ECHDC3: variants seen among roughly 807,000 people sequenced by gnomAD.
ECHDC3 encodes enoyl-CoA hydratase domain-containing protein 3, mitochondrial.
A neutral mutation model predicts 17.9 loss-of-function variants in ECHDC3; 20 were observed. The ratio of observed to expected loss-of-function variants is 1.12; its 90% CI spans 0.79 to 1.63. ECHDC3 has a LOEUF of 1.63. Ranked by LOEUF, ECHDC3 falls within the 40% of genes most tolerant of loss-of-function variation. The pLI, the probability that ECHDC3 is intolerant of heterozygous loss-of-function variation, is 0.00. For synonymous variants in ECHDC3, 177 were observed against 149.7 expected (o/e 1.18, Z -1.33); for missense variants, 407 against 357.7 (o/e 1.14, Z -1.11).
Position 11,763,510 on chromosome 10 carries a change from A to C in ECHDC3, c.878A>C (p.Lys293Thr). ...GQEGITAFLQ[K>T]RKPVWSHEPV ...GAGGGCATCACGGCCTTCCTCCAGA[A>C]GAGAAAACCTGTCTGGTCACACGAG... The change falls in exon 5 of 5, where the codon AAG becomes ACG. Residue 293 changes from lysine (K) to threonine (T), a missense_variant. By Grantham distance (78) the Lys-to-Thr change is moderately conservative (BLOSUM62 -1). Coordinates refer to ENST00000379215, the MANE Select transcript of ECHDC3 (RefSeq NM_024693.5). This position sits in a 1 kb window ranked among gnomAD's most constrained non-coding sequence, Gnocchi z 4.9. 32 of 1,403,634 alleles carry C rather than the reference A, an allele frequency of 2.3e-5. No individual in the cohort carries two copies. The highest frequency in any genetic ancestry group is 2.7e-5 in the Non-Finnish European group (27 of 1,008,670). The allele number at this position is 1,403,634 out of a possible 1,614,324, so 86.9% of individuals were successfully genotyped here.
chr10:11,759,924 G>A (rs548398305), intron 4 of ECHDC3, among the ~76,000 whole-genome samples: 1 of 152,198 alleles, frequency 6.6e-6, no homozygotes, highest in African/African-American at 2.4e-5. Context: ...TTGTTTTCCA[G>A]ATGAAACAAA....
intron 4 of ECHDC3, among the ~76,000 whole-genome samples, chr10:11,756,656 A>T (rs1010295715): frequency 6.6e-6 from 1 of 152,208 alleles, no homozygotes; most frequent in Non-Finnish European, 1.5e-5. Flanking sequence ...TGGGCTTCAC[A>T]CTACAGTAGG....
chr10:11,747,863 C>T (rs1171912693), intron 2 of ECHDC3, among the ~76,000 whole-genome samples: 5 of 152,224 alleles, frequency 3.3e-5, no homozygotes, highest in Admixed American at 6.5e-5. Flanking sequence ...GAACTGATAT[C>T]TGCAGTGCCT....
intron 4 of ECHDC3, among the ~76,000 whole-genome samples, chr10:11,761,935 G>A (rs907344387): frequency 9.9e-5 from 15 of 151,990 alleles, no homozygotes; most frequent in Non-Finnish European, 1.0e-4. Context: ...GAAATCAACA[G>A]AAGACTAAAA....
intron 4 of ECHDC3, among the ~76,000 whole-genome samples, chr10:11,760,933 C>G (rs964009640): frequency 1.3e-5 from 2 of 152,236 alleles, no homozygotes; most frequent in African/African-American, 4.8e-5. Flanking sequence ...ATGGTCTGCC[C>G]TGGAACCCCC....
rs1402405449 is a variant in ECHDC3 at position 11,743,007 on chromosome 10, C to T, written c.170+261C>T. The T allele has an allele frequency of 1.3e-4, 45 of 335,340 alleles. No homozygotes were observed. The East Asian group carries it at 2.1e-3, about 15-fold the overall frequency. The allele number at this position is 335,340 out of a possible 1,614,324, so 20.8% of individuals were successfully genotyped here. On this transcript the variant is annotated intron_variant, in intron 1 of 4. Transcript: ENST00000379215. ...CCAGTCGCTGGGCCTGCGGAGAGGC[C>T]TGGAGAGGAGGGCTCTGGGCCCCAG... is the stretch of plus-strand genomic sequence containing the variant.
intron 4 of ECHDC3, among the ~76,000 whole-genome samples, chr10:11,761,107 G>A (rs1262451043): frequency 1.9e-4 from 29 of 152,248 alleles, no homozygotes; most frequent in South Asian, 1.2e-3. Flanking sequence ...CTCCACCCAT[G>A]GTGGCAGGAG....
chr10:11,757,514 C>CA (rs536124796), intron 4 of ECHDC3, among the ~76,000 whole-genome samples: 2 of 152,080 alleles, frequency 1.3e-5, no homozygotes, highest in South Asian at 2.1e-4. Flanking sequence ...GAAAATGGGG[C>CA]AAAAAATCTC....
intron 4 of ECHDC3, among the ~76,000 whole-genome samples, chr10:11,762,365 G>A (rs1259442755): frequency 1.3e-5 from 2 of 152,190 alleles, no homozygotes; most frequent in South Asian, 2.1e-4. Context: ...CTGAGGTGAC[G>A]GTGCATGGGC....
At chr10:11,755,196 C>T (rs565943766) in intron 3 of ECHDC3, 39 of 465,544 alleles carry the variant, frequency 8.4e-5, no homozygotes, top group Non-Finnish European at 1.3e-4. Flanking sequence ...CGTGGTAGCC[C>T]ATGCCTGTAG....
chr10:11,756,276 T>C (rs542013318), intron 4 of ECHDC3, among the ~76,000 whole-genome samples: 1 of 152,342 alleles, frequency 6.6e-6, no homozygotes, highest in East Asian at 1.9e-4. Flanking sequence ...TAAAATAATA[T>C]TTCCTAAACT....
At chr10:11,757,793 A>G (rs1832900294) in intron 4 of ECHDC3, among the ~76,000 whole-genome samples, 1 of 152,188 alleles carries the variant, frequency 6.6e-6, no homozygotes, top group Non-Finnish European at 1.5e-5. Flanking sequence ...AGGCTTTTGG[A>G]ACTTAATGCC....
chr10:11,743,244 C>T (rs1832716946), intron 1 of ECHDC3, among the ~76,000 whole-genome samples: 1 of 152,234 alleles, frequency 6.6e-6, no homozygotes, highest in Non-Finnish European at 1.5e-5. Context: ...GCCCTACCCC[C>T]TCCAGGCCTG....
intron 3 of ECHDC3, among the ~76,000 whole-genome samples, chr10:11,754,418 A>G (rs1017492627): frequency 6.6e-6 from 1 of 152,166 alleles, no homozygotes. Context: ...AAAGTTCTGG[A>G]AATGTATTGG....
intron 4 of ECHDC3, among the ~76,000 whole-genome samples, chr10:11,762,712 C>G (rs1025687576): frequency 1.3e-5 from 2 of 152,190 alleles, no homozygotes; most frequent in African/African-American, 2.4e-5. Flanking sequence ...ATGCTGGGCT[C>G]TACGTCTGGT....
chr10:11,747,611 C>T, intron 2 of ECHDC3, 141 bp downstream of exon 2: 1 of 1,045,340 alleles, frequency 9.6e-7, no homozygotes, highest in Non-Finnish European at 1.4e-6. Flanking sequence ...TGGAAAACAC[C>T]TGTGTAGTTG....
chr10:11,759,491 C>T (rs1249745678), intron 4 of ECHDC3, among the ~76,000 whole-genome samples: 2 of 152,142 alleles, frequency 1.3e-5, no homozygotes, highest in Admixed American at 1.3e-4. Context: ...CGCTGAGTGC[C>T]GGCACCCTCA....
Position 11,742,704 on chromosome 10 carries a change from C to A in ECHDC3, c.128C>A (p.Ser43Ter), listed in dbSNP as rs1588460935. The A allele has an allele frequency of 4.0e-6, 5 of 1,239,590 alleles. No homozygotes were observed. The South Asian group carries it at 1.4e-4, about 35-fold the overall frequency. The allele number at this position is 1,239,590 out of a possible 1,614,324, so 76.8% of individuals were successfully genotyped here. The change falls in exon 1 of 5, where the codon TCG (serine) becomes TAG (stop). Residue 43 changes from serine to a stop codon, truncating the protein, a stop_gained. Transcript: ENST00000379215. LOFTEE classifies it high-confidence loss of function. ...RDPAGAGRRE[S>*]EPRPTSARQL... ...CCGGCCGGGGCGGGGCGGCGGGAGT[C>A]GGAGCCGCGGCCCACCAGCGCGCGG...
At chr10:11,752,824 C>T (rs1451935881) in intron 3 of ECHDC3, among the ~76,000 whole-genome samples, 1 of 152,102 alleles carries the variant, frequency 6.6e-6, no homozygotes, top group African/African-American at 2.4e-5. Context: ...GGCGTCAAAC[C>T]CTGGCAGCCT....
Sources: gnomAD v4.1 joint callset for allele counts (sites outside exome capture counted in the v4.1 genomes callset) on GRCh38, gnomAD v4.1.1 for gene constraint, Gnocchi (gnomAD v3.1) non-coding constraint, MANE v1.5 for transcripts, NCBI Gene and HGNC (gene_info 2026-07-23, HGNC 2026-07-21) for gene names.